Variants in RASA1 observed in about 807,000 individuals in gnomAD.
The protein encoded by RASA1 is RAS p21 protein activator 1.
RASA1 carries 25 observed loss-of-function variants against 132.2 expected under a neutral mutation model. That is an observed-to-expected ratio of 0.19 (90% CI 0.14 to 0.26). RASA1 has a LOEUF of 0.26. RASA1 is among the 10% of genes least tolerant of loss of function. RASA1 has a pLI of 1.00. For missense variants in RASA1, 964 were observed against 1,299.2 expected (o/e 0.74, Z 3.97); for synonymous variants, 477 against 449.9 (o/e 1.06, Z -0.76).
In RASA1 at chr5:87,386,829, C is replaced by T; in HGVS notation, c.2851C>T (p.Pro951Ser). The change falls in exon 23 of 25, where the codon CCC becomes TCC. Residue 951 changes from proline to serine, a missense_variant. Physicochemically the swap from Pro to Ser is moderately conservative, Grantham distance 74. Transcript: ENST00000274376. ...ANLVEFGAKEPYMEGVNPFIK... is the reference protein window; with the variant it reads ...ANLVEFGAKESYMEGVNPFIK... ...ACAGAAGCATTTTATTTTTCAGGAG[C>T]CCTACATGGAAGGTGTCAATCCATT... 2 of 1,612,224 alleles carry T rather than the reference C, an allele frequency of 1.2e-6. No homozygotes were observed. The highest frequency in any genetic ancestry group is 8.5e-7 in the Non-Finnish European group (1 of 1,178,722).
chr5:87,295,178 C>A lies in RASA1; in HGVS notation c.539+26188C>A, dbSNP rs147521265. On this transcript the variant is annotated intron_variant, in intron 1 of 24. Transcript: ENST00000274376. Reference sequence around the variant, plus strand: ...GCTGCTCCCACTTTCTTCTGATTAGCGTTAGCGTGGTGTATCTTTCTCCAT... The same window carrying A: ...GCTGCTCCCACTTTCTTCTGATTAGAGTTAGCGTGGTGTATCTTTCTCCAT... 2.5e-3 allele frequency among the ~76,000 whole-genome samples: 377 copies of A among 152,182 alleles called. 1 individual carries two copies. Among genetic ancestry groups the A allele is most frequent in the African/African-American group, 8.5e-3 (355 of 41,536 alleles).
At chr5:87,273,543 C>G (rs1023430711) in intron 1 of RASA1, among the ~76,000 whole-genome samples, 3 of 151,956 alleles carry the variant, frequency 2.0e-5, no homozygotes, top group Admixed American at 6.6e-5. Flanking sequence ...AGTGCACCAT[C>G]AGTTATATGT....
chr5:87,311,727 G>A (rs1410927113), intron 1 of RASA1, among the ~76,000 whole-genome samples: 5 of 152,168 alleles, frequency 3.3e-5, no homozygotes, highest in Middle Eastern at 3.2e-3. Context: ...TTTCATGAAG[G>A]TCTAAAGTGC....
chr5:87,324,061 A>G (rs1051139955), intron 1 of RASA1, among the ~76,000 whole-genome samples: 5 of 152,230 alleles, frequency 3.3e-5, no homozygotes, highest in Non-Finnish European at 5.9e-5. Context: ...GAACTAAATA[A>G]GAGACAATGT....
At chr5:87,353,113 A>C (rs1202380466) in intron 8 of RASA1, 44 bp from the exon 9 acceptor site, 1 of 1,461,884 alleles carries the variant, frequency 6.8e-7, no homozygotes, top group Non-Finnish European at 9.6e-7. Flanking sequence ...AAGATTTTGC[A>C]GTTTTATGAG....
chr5:87,379,868 C>A lies in RASA1; in HGVS notation c.2603+18C>A. 1 of 1,608,234 alleles carries A rather than the reference C, an allele frequency of 6.2e-7. No individual in the cohort carries two copies. On this transcript the variant is annotated intron_variant, in intron 19 of 24. Coordinates refer to ENST00000274376, the MANE Select transcript of RASA1 (RefSeq NM_002890.3). ...CTTCCACCGTAAGTGGTGAAATTTT[C>A]ATTTGACAAGAAATTGTGTATCTAT... is the stretch of plus-strand genomic sequence containing the variant.
chr5:87,385,240 A>G (rs570834587), intron 21 of RASA1, 61 bp from the exon 22 acceptor site: 9 of 1,044,442 alleles, frequency 8.6e-6, no homozygotes, highest in Admixed American at 1.7e-5. Context: ...TAAATTTATA[A>G]TGGTTTAGCT....
intron 1 of RASA1, among the ~76,000 whole-genome samples, chr5:87,317,191 A>G (rs1756408222): frequency 6.6e-6 from 1 of 152,062 alleles, no homozygotes; most frequent in South Asian, 2.1e-4. Flanking sequence ...CGGATACCAC[A>G]AATTTGTGGT....
At position 87,310,837 on chromosome 5, in the gene RASA1, G is replaced by A. The variant is rs114728294; in HGVS notation, c.540-20511G>A. 7.4e-3 allele frequency among the ~76,000 whole-genome samples: 1,125 copies of A among 152,190 alleles called. 13 individuals are homozygous for A. Among genetic ancestry groups the A allele is most frequent in the Middle Eastern group, 0.031 (9 of 294 alleles). ...TGATGCCTTAGTATAAATTAATGTA[G>A]TAATTGCATTAATGTACCAAATGAT... On this transcript the variant is annotated intron_variant, in intron 1 of 24. Coordinates refer to ENST00000274376, the MANE Select transcript of RASA1 (RefSeq NM_002890.3).
intron 1 of RASA1, among the ~76,000 whole-genome samples, chr5:87,274,826 G>A (rs1050714019): frequency 1.3e-5 from 2 of 152,064 alleles, no homozygotes; most frequent in African/African-American, 4.8e-5. Flanking sequence ...GATGCTCTTC[G>A]CTTAATGATT....
intron 20 of RASA1, among the ~76,000 whole-genome samples, chr5:87,381,187 CATT>C (rs1214068873): frequency 6.6e-6 from 1 of 152,142 alleles, no homozygotes; most frequent in Non-Finnish European, 1.5e-5. Context: ...ACTTCATTAT[CATT>C]ATTCTAACTT....
chr5:87,358,884 G>A (rs549917565), intron 9 of RASA1, among the ~76,000 whole-genome samples: 1 of 152,116 alleles, frequency 6.6e-6, no homozygotes, highest in African/African-American at 2.4e-5. Flanking sequence ...GTTTTCTCTT[G>A]GATATCCACT....
intron 1 of RASA1, chr5:87,269,295 C>A (rs907444022): frequency 7.8e-6 from 12 of 1,536,156 alleles, no homozygotes; most frequent in Non-Finnish European, 1.0e-5. Flanking sequence ...GAGGTGGTGT[C>A]CCAGAATTTA....
At chr5:87,275,128 C>T (rs1222197474) in intron 1 of RASA1, among the ~76,000 whole-genome samples, 2 of 152,208 alleles carry the variant, frequency 1.3e-5, no homozygotes, top group Non-Finnish European at 2.9e-5. Context: ...ACTTCTCTCT[C>T]TTTACTGGCC....
rs1400990224 is a variant in RASA1 at position 87,287,726 on chromosome 5, AT to A, written c.539+18738del. Among the ~76,000 whole-genome samples, 20 of 61,144 alleles carry A rather than the reference AT, an allele frequency of 3.3e-4. 3 individuals are homozygous for A. The highest frequency in any genetic ancestry group is 4.4e-4 in the East Asian group (1 of 2,270). 40.1% of individuals were successfully genotyped at this position (61,144 alleles called of 152,430 possible). Reference sequence around the variant, plus strand: ...TATATGTACACGCCATAGATATACCATTATGTACACGCCATAGATATACCAT... The same window carrying A: ...TATATGTACACGCCATAGATATACCATATGTACACGCCATAGATATACCAT... On this transcript the variant is annotated intron_variant, in intron 1 of 24. Coordinates refer to ENST00000274376, the MANE Select transcript of RASA1 (RefSeq NM_002890.3).
chr5:87,316,181 T>C (rs1031522642), intron 1 of RASA1, among the ~76,000 whole-genome samples: 1 of 152,196 alleles, frequency 6.6e-6, no homozygotes, highest in African/African-American at 2.4e-5. Context: ...ATATGACGAA[T>C]GGTTAGCTTG....
chr5:87,329,898 G>A lies in RASA1; in HGVS notation c.540-1450G>A, dbSNP rs1029366741. On this transcript the variant is annotated intron_variant, in intron 1 of 24. Coordinates refer to ENST00000274376, the MANE Select transcript of RASA1 (RefSeq NM_002890.3). ...TTATAGTTCCTTAGGGTTCATTTAC[G>A]ATCTCTGGTGTAAACTTTCCATTTC... is the stretch of plus-strand genomic sequence containing the variant. Among the ~76,000 whole-genome samples, 19 of 152,062 alleles carry A rather than the reference G, an allele frequency of 1.2e-4. No individual in the cohort carries two copies. In the East Asian group the frequency reaches 2.7e-3, roughly 22 times the overall value.
rs985936234 is a variant in RASA1 at position 87,333,455 on chromosome 5, G to T, written c.899+118G>T. The T allele has an allele frequency of 4.8e-6, 7 of 1,469,706 alleles. No homozygotes were observed. The African/African-American group carries it at 1.0e-4, about 21-fold the overall frequency. 91.0% of individuals were successfully genotyped at this position (1,469,706 alleles called of 1,614,324 possible). ...AGAAATGGCATACAGCAAGGTGAAA[G>T]AGCTTTTGATATTGGGTCTGTTGGT... On this transcript the variant is annotated intron_variant, in intron 4 of 24. Coordinates refer to ENST00000274376, the MANE Select transcript of RASA1 (RefSeq NM_002890.3).
chr5:87,285,371 A>G (rs1754504782), intron 1 of RASA1, among the ~76,000 whole-genome samples: 1 of 150,626 alleles, frequency 6.6e-6, no homozygotes, highest in Admixed American at 6.6e-5. Context: ...CTGGCAATGA[A>G]TGGTACCTTT....
Sources: gnomAD v4.1 joint callset for allele counts (sites outside exome capture counted in the v4.1 genomes callset) on GRCh38, gnomAD v4.1.1 for gene constraint, MANE v1.5 for transcripts, NCBI Gene and HGNC (gene_info 2026-07-23, HGNC 2026-07-21) for gene names.